Variants in SLC15A2 observed in about 807,000 individuals in gnomAD.
The protein encoded by SLC15A2 is solute carrier family 15 member 2.
SLC15A2 carries 77 observed loss-of-function variants against 95.5 expected under a neutral mutation model. That is an observed-to-expected ratio of 0.81 (90% CI 0.67 to 0.97). SLC15A2 has a LOEUF of 0.97. Among genes scored for constraint, SLC15A2 ranks in the 50% least tolerant of loss-of-function variants. SLC15A2 has a pLI of 0.00. For missense variants in SLC15A2, 893 were observed against 874.4 expected (o/e 1.02, Z -0.27); for synonymous variants, 306 against 306.9 (o/e 1.00, Z 0.03).
chr3:121,907,153 C>T (rs149431220), intron 3 of SLC15A2, among the ~76,000 whole-genome samples: 50 of 152,312 alleles, frequency 3.3e-4, no homozygotes, highest in African/African-American at 9.1e-4. Flanking sequence ...GCTATTGAAG[C>T]TTGTGCATGC....
At chr3:121,903,574 G>A (rs906681230) in intron 3 of SLC15A2, among the ~76,000 whole-genome samples, 1 of 152,116 alleles carries the variant, frequency 6.6e-6, no homozygotes, top group Non-Finnish European at 1.5e-5. Context: ...CATATGGCTA[G>A]CCAGTTTTCC....
chr3:121,933,728 T>C (rs1710279815), intron 19 of SLC15A2, among the ~76,000 whole-genome samples: 1 of 152,238 alleles, frequency 6.6e-6, no homozygotes, highest in African/African-American at 2.4e-5. Flanking sequence ...TTCACTCTGA[T>C]GGTAGTTTCT....
At chr3:121,936,844 A>C (rs1373358981) in intron 19 of SLC15A2, among the ~76,000 whole-genome samples, 1 of 127,618 alleles carries the variant, frequency 7.8e-6, no homozygotes, top group Non-Finnish European at 1.7e-5. Context: ...TAGTTGATGC[A>C]GTTTCTTCCT....
In SLC15A2 at chr3:121,941,804, A is replaced by G. The variant is rs914101768; in HGVS notation, c.*797A>G. 1 of 152,220 alleles carries G rather than the reference A, an allele frequency of 6.6e-6. No homozygotes were observed. Among genetic ancestry groups the G allele is most frequent in the Non-Finnish European group, 1.5e-5 (1 of 68,032 alleles). 9.4% of individuals were successfully genotyped at this position (152,220 alleles called of 1,614,324 possible). On this transcript the variant is annotated 3_prime_UTR_variant, in exon 22 of 22. Transcript: ENST00000489711. ...ACAGAGTACATTCTTCTTAGCCTCT[A>G]TGGCGCTGGTCTATGCCCTTCAGTG...
intron 7 of SLC15A2, among the ~76,000 whole-genome samples, chr3:121,920,358 C>T (rs1709979812): frequency 6.6e-6 from 1 of 152,146 alleles, no homozygotes; most frequent in Non-Finnish European, 1.5e-5. Flanking sequence ...TGTGGTGGCG[C>T]AATCTCAGCT....
chr3:121,901,833 CTGAG>C (rs1206285482), intron 3 of SLC15A2, among the ~76,000 whole-genome samples: 2 of 141,100 alleles, frequency 1.4e-5, no homozygotes, highest in Non-Finnish European at 3.1e-5. Flanking sequence ...GTTTCTCTGC[CTGAG>C]TATGTGTTTG....
At chr3:121,896,584 T>C in intron 2 of SLC15A2, 91 bp downstream of exon 2, 4 of 993,322 alleles carry the variant, frequency 4.0e-6, no homozygotes, top group Non-Finnish European at 6.4e-6. Context: ...TGCACTTATT[T>C]CCCGAGTCCA....
At position 121,896,453 on chromosome 3, in the gene SLC15A2, G is replaced by C. The variant is rs1316547593; in HGVS notation, c.153G>C (p.Val51=). ...CACTGAGCATTGCCTTCATTGTGGT[G>C]AATGAATTCTGCGAGCGCTTTTCCT... The part of the protein sequence containing the change: ...NYPLSIAFIV[V]NEFCERFSYY... Residue 51 remains valine, a synonymous_variant, in exon 2 of 22, where the codon GTG becomes GTC. Transcript: ENST00000489711. 6.2e-7 allele frequency: 1 copy of C among 1,614,118 alleles called. No homozygotes were observed. The highest frequency in any genetic ancestry group is 8.5e-7 in the Non-Finnish European group (1 of 1,179,986).
At chr3:121,929,478 CA>C in intron 17 of SLC15A2, 130 bp downstream of exon 17, 1 of 922,600 alleles carries the variant, frequency 1.1e-6, no homozygotes, top group Non-Finnish European at 1.7e-6. Flanking sequence ...GCACTGGTGT[CA>C]AAAGGCATTT....
intron 3 of SLC15A2, among the ~76,000 whole-genome samples, chr3:121,903,100 G>C (rs1199958216): frequency 6.6e-6 from 1 of 152,138 alleles, no homozygotes; most frequent in African/African-American, 2.4e-5. Flanking sequence ...TTCTTTGATG[G>C]CCAGTGATGA....
chr3:121,923,016 G>A (rs1559848965), intron 9 of SLC15A2, 24 bp from the exon 10 acceptor site: 1 of 1,609,526 alleles, frequency 6.2e-7, no homozygotes, highest in Admixed American at 1.7e-5. Flanking sequence ...TAGCATTTCT[G>A]CCCATTCTTC....
chr3:121,901,460 G>C (rs760130889), intron 3 of SLC15A2, among the ~76,000 whole-genome samples: 1 of 152,132 alleles, frequency 6.6e-6, no homozygotes, highest in African/African-American at 2.4e-5. Context: ...AGGCATGAAG[G>C]TTACTTTTAT....
At chr3:121,914,218 A>T (rs1709831953) in intron 5 of SLC15A2, among the ~76,000 whole-genome samples, 1 of 152,204 alleles carries the variant, frequency 6.6e-6, no homozygotes, top group African/African-American at 2.4e-5. Context: ...TAAGGTTTAA[A>T]TTGAAACCAG....
chr3:121,931,203 C>T (rs1314966995), intron 18 of SLC15A2, among the ~76,000 whole-genome samples: 3 of 152,126 alleles, frequency 2.0e-5, no homozygotes, highest in African/African-American at 7.2e-5. Context: ...TAACACAGTC[C>T]GTCTCTGTGA....
intron 13 of SLC15A2, among the ~76,000 whole-genome samples, chr3:121,927,312 A>T (rs1410908835): frequency 6.6e-6 from 1 of 152,220 alleles, no homozygotes; most frequent in Non-Finnish European, 1.5e-5. Flanking sequence ...ATTCCCAGTG[A>T]TAAAGGTGGG....
In SLC15A2 at chr3:121,924,357, T is replaced by C; in HGVS notation, c.1009T>C (p.Phe337Leu). The change falls in exon 12 of 22, where the codon TTT becomes CTT. Residue 337 changes from phenylalanine to leucine, a missense_variant. Transcript: ENST00000489711. The stretch of plus-strand genomic sequence containing the variant: ...ATTTGTTAAAATGTTTCAGGGGTTT[T>C]TTGTGCTTCAGCCGGACCAGATGCA... ...AIRMNRNLGF[F>L]VLQPDQMQVL... The C allele has an allele frequency of 6.2e-7, 1 of 1,613,736 alleles. No homozygotes were observed. Among genetic ancestry groups the C allele is most frequent in the Non-Finnish European group, 8.5e-7 (1 of 1,179,674 alleles).
At chr3:121,898,161 CA>C (rs60394236) in intron 3 of SLC15A2, among the ~76,000 whole-genome samples, 8,124 of 140,300 alleles carry the variant, frequency 0.058, 276 homozygotes, top group African/African-American at 0.11. Flanking sequence ...GACTCTGTCT[CA>C]AAAAAAAAAA....
rs36126072 is a variant in SLC15A2, at chr3:121,929,387, T to C, written c.1553+39T>C. 919 of 1,599,744 alleles carry C rather than the reference T, an allele frequency of 5.7e-4. 4 individuals carry two copies. The African/African-American group carries it at 0.01, about 17-fold the overall frequency. On this transcript the variant is annotated intron_variant, in intron 17 of 21. Transcript: ENST00000489711. The stretch of plus-strand genomic sequence containing the variant: ...TGAGATTCCAGGCCACTCTGTTTTC[T>C]TGAATCTTGGATCTCTTCTAATCTT...
intron 19 of SLC15A2, among the ~76,000 whole-genome samples, chr3:121,935,611 T>C (rs908390527): frequency 2.0e-5 from 3 of 152,130 alleles, no homozygotes; most frequent in Non-Finnish European, 2.9e-5. Flanking sequence ...GGTGGTGATA[T>C]CTCCTTTATC....
Sources: allele counts gnomAD v4.1 joint callset (sites outside exome capture counted in the v4.1 genomes callset), GRCh38; gene constraint gnomAD v4.1.1; transcripts MANE v1.5; gene names NCBI Gene and HGNC (gene_info 2026-07-23, HGNC 2026-07-21).